HNRNPM: variants seen among roughly 807,000 people sequenced by gnomAD.
The protein encoded by HNRNPM is CEA receptor.
A neutral mutation model predicts 73.1 loss-of-function variants in HNRNPM; 11 were observed. The ratio of observed to expected loss-of-function variants is 0.15; its 90% confidence interval spans 0.09 to 0.25. The LOEUF (loss-of-function observed/expected upper bound fraction) is 0.25. Ranked by LOEUF, HNRNPM falls within the 10% of genes least tolerant of loss-of-function variation. HNRNPM has a pLI of 1.00. For synonymous variants in HNRNPM, 407 were observed against 355.2 expected (o/e 1.15, Z -1.64); for missense variants, 789 against 1,067.9 (o/e 0.74, Z 3.64).
At chr19:8,474,922 C>A (rs1201620236) in intron 12 of HNRNPM, among the ~76,000 whole-genome samples, 1 of 152,128 alleles carries the variant, frequency 6.6e-6, no homozygotes, top group East Asian at 1.9e-4. Flanking sequence ...ACCATGTTGG[C>A]CAGGCTGGCC....
rs74176651 is a variant in HNRNPM, at chr19:8,479,078, CTTTT to C, written c.1121-4059_1121-4056del. ...ATTTCCTCCTCTTTTTTCTTTCTTT[CTTTT>C]TTTTTTTTTTTTTTTTTTTTCAAGA... On this transcript the variant is annotated intron_variant, in intron 12 of 15. Transcript: ENST00000325495. 4.5e-3 allele frequency among the ~76,000 whole-genome samples: 333 copies of C among 73,816 alleles called. 2 individuals carry two copies. The highest frequency in any genetic ancestry group is 0.015 in the African/African-American group (305 of 20,060). 48.4% of individuals were successfully genotyped at this position (73,816 alleles called of 152,430 possible).
chr19:8,476,118 G>A (rs1021210195), intron 12 of HNRNPM, among the ~76,000 whole-genome samples: 2 of 151,974 alleles, frequency 1.3e-5, no homozygotes, highest in African/African-American at 4.8e-5. Context: ...CGGTGGCAAA[G>A]GATTCCAAGT....
chr19:8,466,467 G>T (rs943902541), intron 7 of HNRNPM, 79 bp downstream of exon 7: 1 of 1,386,130 alleles, frequency 7.2e-7, no homozygotes, highest in Admixed American at 1.7e-5. Context: ...GTGTGAGGAA[G>T]AGGTGACTGT....
chr19:8,447,654 G>A (rs906814760), intron 1 of HNRNPM, among the ~76,000 whole-genome samples: 1 of 152,128 alleles, frequency 6.6e-6, no homozygotes, highest in Non-Finnish European at 1.5e-5. Context: ...GGAGGCTGAG[G>A]TGAGAGGACT....
At chr19:8,483,309 G>C (rs1395212990) in intron 13 of HNRNPM, 98 bp downstream of exon 13, 1 of 899,102 alleles carries the variant, frequency 1.1e-6, no homozygotes, top group Non-Finnish European at 1.8e-6. Context: ...TTCTGACACA[G>C]ACTGCCCGGG....
intron 1 of HNRNPM, among the ~76,000 whole-genome samples, chr19:8,448,436 T>G (rs1233464360): frequency 6.6e-6 from 1 of 151,830 alleles, no homozygotes; most frequent in East Asian, 1.9e-4. Flanking sequence ...GTATCATATA[T>G]AAAATAAATG....
intron 5 of HNRNPM, chr19:8,463,987 A>C: frequency 3.5e-6 from 1 of 285,064 alleles, no homozygotes; most frequent in South Asian, 6.3e-5. Context: ...ATTAAGTTTT[A>C]CTCCATCTGA....
Position 8,462,387 on chromosome 19 carries a change from T to A in HNRNPM, c.284-142T>A. The A allele has an allele frequency of 1.4e-6, 1 of 719,066 alleles. No homozygotes were observed. Among genetic ancestry groups the A allele is most frequent in the Non-Finnish European group, 2.5e-6 (1 of 396,290 alleles). 44.5% of individuals were successfully genotyped at this position (719,066 alleles called of 1,614,324 possible). ...TGCACACCTGTAATGCCTAGTTCGG[T>A]GGTTTAGAGAATATGGAGTGTTTCT... is the stretch of plus-strand genomic sequence containing the variant. On this transcript the variant is annotated intron_variant, in intron 2 of 15. Transcript: ENST00000325495. This position sits in a 1 kb window ranked among gnomAD's most constrained non-coding sequence, Gnocchi z 4.5.
At chr19:8,447,417 A>G (rs150465102) in intron 1 of HNRNPM, among the ~76,000 whole-genome samples, 17 of 152,290 alleles carry the variant, frequency 1.1e-4, no homozygotes, top group African/African-American at 3.9e-4. Context: ...GATAGAAGTT[A>G]GTGGAGTTGC....
chr19:8,478,573 C>T (rs529579885), intron 12 of HNRNPM, among the ~76,000 whole-genome samples: 1 of 152,172 alleles, frequency 6.6e-6, no homozygotes, highest in South Asian at 2.1e-4. Flanking sequence ...TGTCCCTGCT[C>T]TCTTAGAGTC....
At chr19:8,450,730 T>TTATTA (rs1319533441) in intron 1 of HNRNPM, among the ~76,000 whole-genome samples, 4 of 71,180 alleles carry the variant, frequency 5.6e-5, no homozygotes, top group Admixed American at 1.7e-4. Flanking sequence ...TATTATTATT[T>TTATTA]TTTTTTTTTT....
chr19:8,479,078 CTTTTTTTTTTTTT>C (rs74176651), intron 12 of HNRNPM, among the ~76,000 whole-genome samples: 5 of 73,834 alleles, frequency 6.8e-5, no homozygotes, highest in Admixed American at 2.0e-4. Flanking sequence ...TTCTTTCTTT[CTTTTTTTTTTTTT>C]TTTTTTTTTT....
intron 15 of HNRNPM, chr19:8,488,135 C>T (rs1247077564): frequency 6.6e-6 from 1 of 152,460 alleles, no homozygotes; most frequent in Non-Finnish European, 1.5e-5. Flanking sequence ...CCCCTCCACC[C>T]TACCTGCCCT....
chr19:8,477,647 T>G (rs1279924632), intron 12 of HNRNPM, among the ~76,000 whole-genome samples: 3 of 128,582 alleles, frequency 2.3e-5, no homozygotes, highest in East Asian at 2.2e-4. Context: ...GTTGACAGAG[T>G]GAAACCCTGT....
At chr19:8,471,251 T>G (rs1188807536) in intron 9 of HNRNPM, 75 bp from the exon 10 acceptor site, 1 of 906,768 alleles carries the variant, frequency 1.1e-6, no homozygotes, top group Non-Finnish European at 1.7e-6. Context: ...TGCAACTCAC[T>G]AAACACTCTT....
At chr19:8,451,988 C>G (rs765675937) in intron 1 of HNRNPM, among the ~76,000 whole-genome samples, 1 of 152,162 alleles carries the variant, frequency 6.6e-6, no homozygotes, top group Non-Finnish European at 1.5e-5. Context: ...GGAAACCTCT[C>G]AGAGGGAATG....
chr19:8,457,945 C>CT (rs1018546437), intron 2 of HNRNPM, among the ~76,000 whole-genome samples: 5 of 152,180 alleles, frequency 3.3e-5, no homozygotes, highest in African/African-American at 1.2e-4. Context: ...CCTAAGCACT[C>CT]TTTATCAGTC....
intron 12 of HNRNPM, among the ~76,000 whole-genome samples, chr19:8,474,489 G>A (rs530274938): frequency 2.0e-5 from 3 of 152,178 alleles, no homozygotes; most frequent in Non-Finnish European, 2.9e-5. Context: ...TTCGAGTACA[G>A]TGTTAAAAAG....
Position 8,475,540 on chromosome 19 carries a change from T to C in HNRNPM, c.1120+1296T>C, listed in dbSNP as rs184227519. 1.2e-3 allele frequency among the ~76,000 whole-genome samples: 189 copies of C among 152,312 alleles called. 1 individual carries two copies. The East Asian group carries it at 0.023, about 18-fold the overall frequency. The stretch of plus-strand genomic sequence containing the variant: ...CTTGAAAGGCGGCTGTCCCTGATGA[T>C]CAGGCCCTTCTTCCGGTGCACAGGG... On this transcript the variant is annotated intron_variant, in intron 12 of 15. Coordinates refer to ENST00000325495, the MANE Select transcript of HNRNPM (RefSeq NM_005968.5).
Sources: allele counts gnomAD v4.1 joint callset (sites outside exome capture counted in the v4.1 genomes callset), GRCh38; gene constraint gnomAD v4.1.1; non-coding constraint Gnocchi (gnomAD v3.1); transcripts MANE v1.5; gene names NCBI Gene and HGNC (gene_info 2026-07-23, HGNC 2026-07-21).